IL1RAPL2: variants seen among roughly 807,000 people sequenced by gnomAD.
IL1RAPL2 encodes the protein interleukin 1 receptor accessory protein like 2.
IL1RAPL2 carries 3 observed loss-of-function variants against 44.1 expected under a neutral mutation model. The ratio of observed to expected loss-of-function variants is 0.07; its 90% confidence interval spans 0.03 to 0.18. The LOEUF (loss-of-function observed/expected upper bound fraction) is 0.18, where lower values mean the gene tolerates loss of function less well. Ranked by LOEUF, IL1RAPL2 falls within the 10% of genes least tolerant of loss-of-function variation. IL1RAPL2 has a pLI of 1.00. For synonymous variants in IL1RAPL2, 181 were observed against 178.8 expected (o/e 1.01, Z -0.10); for missense variants, 391 against 496.4 (o/e 0.79, Z 2.02).
chrX:105,389,925 C>T (rs938976767), intron 5 of IL1RAPL2, among the ~76,000 whole-genome samples: 1 of 110,807 alleles, frequency 9.0e-6, no homozygotes, highest in African/African-American at 3.3e-5. Context: ...CCAACCCTGT[C>T]CCTCTCCATC....
intron 2 of IL1RAPL2, among the ~76,000 whole-genome samples, chrX:105,077,875 T>C (rs1334051935): frequency 9.1e-6 from 1 of 109,349 alleles, no homozygotes; most frequent in Non-Finnish European, 1.9e-5. Context: ...TCTCGTGCCA[T>C]GGTTTTCAGC....
At chrX:105,422,837 A>G (rs1334151804) in intron 5 of IL1RAPL2, among the ~76,000 whole-genome samples, 2 of 110,592 alleles carry the variant, frequency 1.8e-5, no homozygotes, top group African/African-American at 6.6e-5. Flanking sequence ...TGATGTTACA[A>G]TCTTCAAAGT....
intron 2 of IL1RAPL2, among the ~76,000 whole-genome samples, chrX:104,675,542 G>A (rs1190685330): frequency 1.8e-5 from 2 of 111,227 alleles, no homozygotes; most frequent in African/African-American, 3.3e-5. Flanking sequence ...TTTGGTATAG[G>A]TGTGGTGTGG....
intron 4 of IL1RAPL2, among the ~76,000 whole-genome samples, chrX:105,237,682 A>G (rs1556203297): frequency 9.0e-6 from 1 of 110,993 alleles, no homozygotes; most frequent in East Asian, 2.8e-4. Context: ...CCACTTGTTG[A>G]TGGGGTTGTT....
At chrX:105,344,522 C>T (rs2035095396) in intron 5 of IL1RAPL2, among the ~76,000 whole-genome samples, 1 of 111,826 alleles carries the variant, frequency 8.9e-6, no homozygotes, top group South Asian at 3.8e-4. Flanking sequence ...TGTTCAATAT[C>T]ATTGTTATTT....
chrX:104,918,616 T>C (rs1924535524), intron 2 of IL1RAPL2, among the ~76,000 whole-genome samples: 1 of 112,152 alleles, frequency 8.9e-6, no homozygotes, highest in Admixed American at 9.4e-5. Flanking sequence ...CTAACTTAGT[T>C]ATCACTATTC....
At chrX:104,890,800 T>G (rs1923409637) in intron 2 of IL1RAPL2, among the ~76,000 whole-genome samples, 1 of 112,116 alleles carries the variant, frequency 8.9e-6, no homozygotes, top group African/African-American at 3.2e-5. Context: ...CTCTTTAGTT[T>G]AATTAGATCC....
At chrX:105,734,080 T>C (rs1031081921) in intron 7 of IL1RAPL2, among the ~76,000 whole-genome samples, 1 of 111,386 alleles carries the variant, frequency 9.0e-6, no homozygotes, top group African/African-American at 3.3e-5. Context: ...TCCACTGTCT[T>C]GTTTGAATTT....
chrX:105,316,705 C>T (rs754656657), intron 5 of IL1RAPL2, among the ~76,000 whole-genome samples: 1 of 111,895 alleles, frequency 8.9e-6, no homozygotes, highest in South Asian at 3.7e-4. Flanking sequence ...TGTTGGGAGG[C>T]AGAGATTAAT....
intron 6 of IL1RAPL2, among the ~76,000 whole-genome samples, chrX:105,636,432 C>T (rs1295335661): frequency 9.0e-6 from 1 of 111,144 alleles, no homozygotes; most frequent in Non-Finnish European, 1.9e-5. Context: ...AAGGTGCCAG[C>T]GTATTAGATA....
At chrX:104,841,111 T>C (rs2147635322) in intron 2 of IL1RAPL2, among the ~76,000 whole-genome samples, 1 of 112,248 alleles carries the variant, frequency 8.9e-6, no homozygotes, top group East Asian at 2.8e-4. Flanking sequence ...TTAGCTCTTT[T>C]TGTTGCATTG....
chrX:105,485,234 C>A (rs893647576), intron 6 of IL1RAPL2, among the ~76,000 whole-genome samples: 4 of 111,360 alleles, frequency 3.6e-5, no homozygotes, highest in African/African-American at 1.3e-4. Flanking sequence ...CCATTGTGGT[C>A]TATATCCATT....
intron 4 of IL1RAPL2, among the ~76,000 whole-genome samples, chrX:105,244,113 T>C (rs1030644073): frequency 1.8e-5 from 2 of 111,226 alleles, no homozygotes; most frequent in Non-Finnish European, 3.8e-5. Flanking sequence ...CTCTAACTTA[T>C]CTTTAGTGAG....
intron 3 of IL1RAPL2, among the ~76,000 whole-genome samples, chrX:105,202,529 A>C (rs375121782): frequency 8.9e-6 from 1 of 111,897 alleles, no homozygotes; most frequent in Non-Finnish European, 1.9e-5. Flanking sequence ...CCATAATCTC[A>C]TTTCATGCAT....
intron 2 of IL1RAPL2, among the ~76,000 whole-genome samples, chrX:104,949,895 GT>G (rs895343837): frequency 1.8e-5 from 2 of 111,383 alleles, no homozygotes; most frequent in African/African-American, 6.5e-5. Context: ...TGTATATTCT[GT>G]TTTTTTGGGG....
rs1043026991 is a variant in IL1RAPL2 at position 104,981,239 on chromosome X, C to T, written c.83-214236C>T. 2.7e-5 allele frequency among the ~76,000 whole-genome samples: 3 copies of T among 109,927 alleles called. No individual in the cohort carries two copies. In the Admixed American group the frequency reaches 2.9e-4, roughly 11 times the overall value. ...CAGATAATTTTGTGACCCAGGTAAT[C>T]AGCATAATATTTGATAGGTAGTTTT... On this transcript the variant is annotated intron_variant, in intron 2 of 10. Coordinates refer to ENST00000372582, the MANE Select transcript of IL1RAPL2 (RefSeq NM_017416.2).
intron 2 of IL1RAPL2, among the ~76,000 whole-genome samples, chrX:105,028,095 C>T (rs1035445194): frequency 5.4e-5 from 6 of 111,345 alleles, no homozygotes; most frequent in African/African-American, 2.0e-4. Context: ...ACAAATATCA[C>T]GTGTTCTCAC....
At chrX:105,382,357 A>T (rs968319716) in intron 5 of IL1RAPL2, among the ~76,000 whole-genome samples, 2 of 108,483 alleles carry the variant, frequency 1.8e-5, no homozygotes, top group African/African-American at 7.3e-5. Flanking sequence ...CAGCCAAAAG[A>T]CACGTGAAAA....
chrX:105,749,044 A>G lies in IL1RAPL2; in HGVS notation c.1133A>G (p.Tyr378Cys), dbSNP rs1471121537. Residue 378 changes from tyrosine to cysteine, a missense_variant, in exon 9 of 11, where the codon TAC becomes TGC. Around this residue, in one of 2 missense-constraint regions of IL1RAPL2, gnomAD observed 232 missense variants for 244.8 expected, o/e 0.95. Coordinates refer to ENST00000372582, the MANE Select transcript of IL1RAPL2 (RefSeq NM_017416.2). ...CTGCTGGTGGTCATTTACAAATGCT[A>G]CAACATTGAATTGATGCTCTTCTAC... ...LVLLVVIYKC[Y>C]NIELMLFYRQ... 1 of 1,209,685 alleles carries G rather than the reference A, an allele frequency of 8.3e-7. No homozygotes were observed.
Sources: gnomAD v4.1 joint callset for allele counts (sites outside exome capture counted in the v4.1 genomes callset) on GRCh38, gnomAD v4.1.1 for gene constraint, gnomAD v4.1.1 regional missense constraint, MANE v1.5 for transcripts, NCBI Gene and HGNC (gene_info 2026-07-23, HGNC 2026-07-21) for gene names.